XPO6: variants seen among roughly 807,000 people sequenced by gnomAD.
XPO6 encodes exportin 6, also known as exportin-6.
Under a neutral mutation model 130.0 loss-of-function variants are expected in XPO6, and 3 were observed. That is an observed-to-expected ratio of 0.02 (90% CI 0.01 to 0.06). The LOEUF (loss-of-function observed/expected upper bound fraction) is 0.06, where lower values mean the gene tolerates loss of function less well. Among genes scored for constraint, XPO6 ranks in the 10% least tolerant of loss-of-function variants. The probability of loss-of-function intolerance (pLI) is 1.00; values close to 1 mark genes in which losing one functional copy is unlikely to be tolerated. For missense variants in XPO6, 970 were observed against 1,393.0 expected (o/e 0.70, Z 4.83); for synonymous variants, 524 against 548.9 (o/e 0.95, Z 0.63).
rs562382046 is a variant in XPO6 at position 28,162,226 on chromosome 16, AG to A, written c.643+4281del. ...TCATTTGCCTAAAAAGGTTGGGGTGAGGGAAAGAACCTGTTAAGGCTATTTC... is the reference window on the plus strand; with the variant it reads ...TCATTTGCCTAAAAAGGTTGGGGTGAGGAAAGAACCTGTTAAGGCTATTTC... On this transcript the variant is annotated intron_variant, in intron 6 of 23. Coordinates refer to ENST00000304658, the MANE Select transcript of XPO6 (RefSeq NM_015171.4). Among the ~76,000 whole-genome samples, 202 of 152,386 alleles carry A rather than the reference AG, an allele frequency of 1.3e-3. 1 individual carries two copies. Among genetic ancestry groups the A allele is most frequent in the African/African-American group, 3.9e-3 (163 of 41,596 alleles).
rs7498661 is a variant in XPO6 at position 28,205,081 on chromosome 16, G to C, written c.3+6285C>G. On this transcript the variant is annotated intron_variant, in intron 1 of 23. Transcript: ENST00000304658. ...TATGTCTAAAATTAATGAGCAAAGG[G>C]AAAGTGAGGAATTAGAGACCAAGTA... Among the ~76,000 whole-genome samples the C allele has an allele frequency of 4.2e-3, 640 of 152,132 alleles. 49 individuals carry two copies. The South Asian group carries it at 0.13, about 30-fold the overall frequency.
chr16:28,104,849 G>A (rs1479426488), intron 20 of XPO6, 142 bp from the exon 21 acceptor site: 5 of 922,990 alleles, frequency 5.4e-6, no homozygotes, highest in African/African-American at 1.7e-5. Flanking sequence ...CACTACCTGC[G>A]CAAAAGACAT....
rs532535480 is a variant in XPO6 at position 28,123,234 on chromosome 16, T to C, written c.1767-1472A>G. ...CCTCCCGCCTCAGCGCCCCCTCCCA[T>C]AGCGGGGACTACAGGCGCATGCCAC... On this transcript the variant is annotated intron_variant, in intron 13 of 23. Transcript: ENST00000304658. 2.0e-5 allele frequency among the ~76,000 whole-genome samples: 3 copies of C among 152,198 alleles called. No individual in the cohort carries two copies. The South Asian group carries it at 6.2e-4, about 32-fold the overall frequency.
intron 1 of XPO6, among the ~76,000 whole-genome samples, chr16:28,190,162 T>A (rs946822726): frequency 6.6e-6 from 1 of 152,112 alleles, no homozygotes; most frequent in Non-Finnish European, 1.5e-5. Flanking sequence ...TATTGGAGAA[T>A]GCATAAAAAC....
At chr16:28,202,809 T>A (rs1052900628) in intron 1 of XPO6, among the ~76,000 whole-genome samples, 3 of 152,040 alleles carry the variant, frequency 2.0e-5, no homozygotes, top group African/African-American at 7.2e-5. Flanking sequence ...ACCAAGAGAC[T>A]AATACCATGG....
chr16:28,148,609 G>A (rs1208580195), intron 8 of XPO6, among the ~76,000 whole-genome samples: 1 of 152,174 alleles, frequency 6.6e-6, no homozygotes, highest in Non-Finnish European at 1.5e-5. Flanking sequence ...TGGTCTATGT[G>A]ATCTTCATAA....
At chr16:28,194,107 C>G (rs1272134564) in intron 1 of XPO6, among the ~76,000 whole-genome samples, 1 of 152,082 alleles carries the variant, frequency 6.6e-6, no homozygotes, top group East Asian at 1.9e-4. Context: ...GAACTTTCAA[C>G]AGTACTCCCC....
At chr16:28,180,877 T>G in intron 2 of XPO6, 64 bp downstream of exon 2, 1 of 1,365,676 alleles carries the variant, frequency 7.3e-7, no homozygotes, top group Non-Finnish European at 1.0e-6. Flanking sequence ...TACGAACAAC[T>G]CCTTCCTCCC....
intron 9 of XPO6, among the ~76,000 whole-genome samples, chr16:28,137,642 CTTT>C (rs55827349): frequency 1.3e-5 from 2 of 150,062 alleles, no homozygotes; most frequent in African/African-American, 4.9e-5. Flanking sequence ...ACCAGAGTAT[CTTT>C]TTTTTTTTTA....
At chr16:28,208,271 G>A (rs2044065536) in intron 1 of XPO6, among the ~76,000 whole-genome samples, 1 of 152,220 alleles carries the variant, frequency 6.6e-6, no homozygotes, top group Non-Finnish European at 1.5e-5. Flanking sequence ...GATTTAAAAA[G>A]AAGATGTTAA....
chr16:28,179,177 G>A (rs2043578600), intron 2 of XPO6: 2 of 152,354 alleles, frequency 1.3e-5, no homozygotes, highest in South Asian at 4.1e-4. Context: ...GTTCTCTATA[G>A]GACGCCATAG....
At chr16:28,205,711 T>G (rs1260079361) in intron 1 of XPO6, among the ~76,000 whole-genome samples, 1 of 152,096 alleles carries the variant, frequency 6.6e-6, no homozygotes, top group Non-Finnish European at 1.5e-5. Context: ...AACCTCTCAG[T>G]GCACTGAATG....
chr16:28,206,952 A>AT (rs1254606496), intron 1 of XPO6, among the ~76,000 whole-genome samples: 10 of 152,106 alleles, frequency 6.6e-5, no homozygotes, highest in African/African-American at 1.9e-4. Flanking sequence ...GGTAACTGAT[A>AT]TTAAAAAAAT....
chr16:28,181,666 T>C (rs1444493641), intron 1 of XPO6, among the ~76,000 whole-genome samples: 1 of 152,092 alleles, frequency 6.6e-6, no homozygotes, highest in Admixed American at 6.6e-5. Flanking sequence ...GTGTGAGTCA[T>C]TCACTGCAAC....
At chr16:28,203,156 T>C (rs1412687072) in intron 1 of XPO6, among the ~76,000 whole-genome samples, 1 of 152,016 alleles carries the variant, frequency 6.6e-6, no homozygotes, top group East Asian at 1.9e-4. Context: ...ATACGTATAG[T>C]TCCAGCTACT....
intron 7 of XPO6, chr16:28,153,129 G>C (rs1024632586): frequency 1.3e-5 from 13 of 1,026,218 alleles, no homozygotes; most frequent in Non-Finnish European, 1.5e-5. Flanking sequence ...TTTCAATCTG[G>C]CAAGTCTAGA....
At position 28,151,469 on chromosome 16, in the gene XPO6, C is replaced by T. The variant is rs546220393; in HGVS notation, c.1224+1190G>A. On this transcript the variant is annotated intron_variant, in intron 8 of 23. Transcript: ENST00000304658. The stretch of plus-strand genomic sequence containing the variant: ...CCAATAAAAACACAGATAAAACATA[C>T]ATTATGTGCTTTCATTCAGAGAAGC... Among the ~76,000 whole-genome samples the T allele has an allele frequency of 7.2e-5, 11 of 152,256 alleles. No individual in the cohort carries two copies. The South Asian group carries it at 8.3e-4, about 11-fold the overall frequency.
intron 1 of XPO6, among the ~76,000 whole-genome samples, chr16:28,202,826 C>T (rs1440944366): frequency 5.3e-5 from 8 of 152,048 alleles, no homozygotes; most frequent in Admixed American, 2.0e-4. Context: ...ATGGATGCCA[C>T]GGGAGCCAAG....
chr16:28,207,506 C>T (rs1402139309), intron 1 of XPO6, among the ~76,000 whole-genome samples: 2 of 152,202 alleles, frequency 1.3e-5, no homozygotes, highest in African/African-American at 4.8e-5. Context: ...AGTATGCTAG[C>T]TCTTCCTGTA....
Sources: allele counts gnomAD v4.1 joint callset (sites outside exome capture counted in the v4.1 genomes callset), GRCh38; gene constraint gnomAD v4.1.1; transcripts MANE v1.5; gene names NCBI Gene and HGNC (gene_info 2026-07-23, HGNC 2026-07-21).